Variants in HEMK1 observed in about 807,000 individuals in gnomAD.
HEMK1 encodes the protein HemK methyltransferase 1, mitochondrial release factors N(5)-glutamine.
HEMK1 carries 36 observed loss-of-function variants against 47.9 expected under a neutral mutation model. The observed-to-expected ratio is 0.75, with a 90% CI of 0.58 to 0.99. The LOEUF (loss-of-function observed/expected upper bound fraction) is 0.99. Among genes scored for constraint, HEMK1 ranks in the 50% least tolerant of loss-of-function variants. HEMK1 has a pLI of 0.00. For missense variants in HEMK1, 383 were observed against 434.5 expected (o/e 0.88, Z 1.05); for synonymous variants, 153 against 165.4 (o/e 0.93, Z 0.57).
At chr3:50,570,868 T>A in intron 1 of HEMK1, 63 bp from the exon 2 acceptor site, 2 of 432,046 alleles carry the variant, frequency 4.6e-6, no homozygotes, top group Non-Finnish European at 4.1e-6. Flanking sequence ...TCAGGCAATG[T>A]ATTGGTAGAA....
chr3:50,579,401 C>A (rs1474646865), intron 8 of HEMK1, among the ~76,000 whole-genome samples: 2 of 152,210 alleles, frequency 1.3e-5, no homozygotes, highest in Non-Finnish European at 1.5e-5. Flanking sequence ...CCATCCTGCT[C>A]TTACACAGGG....
chr3:50,579,211 C>G (rs1014096529), intron 8 of HEMK1, among the ~76,000 whole-genome samples: 2 of 152,228 alleles, frequency 1.3e-5, no homozygotes, highest in African/African-American at 4.8e-5. Context: ...CGGGAGGACT[C>G]AGTGACGACT....
intron 4 of HEMK1, among the ~76,000 whole-genome samples, chr3:50,575,485 C>A (rs1701483634): frequency 6.6e-6 from 1 of 152,106 alleles, no homozygotes. Flanking sequence ...GTGGGCCAAG[C>A]CCTGCCAGTG....
rs2031509889 is a variant in HEMK1, at chr3:50,588,222, G to A, written c.*7805G>A. On this transcript the variant is annotated 3_prime_UTR_variant, in exon 11 of 11. Transcript: ENST00000232854. ...CCGGGCATCTGCAGTGTGTAAACTAGTGCCAGGTGCTGCACACACGTGGTC... is the reference window on the plus strand; with the variant it reads ...CCGGGCATCTGCAGTGTGTAAACTAATGCCAGGTGCTGCACACACGTGGTC... 1 of 152,266 alleles carries A rather than the reference G, an allele frequency of 6.6e-6. No individual in the cohort carries two copies. Among genetic ancestry groups the A allele is most frequent in the South Asian group, 2.1e-4 (1 of 4,834 alleles). The allele number at this position is 152,266 out of a possible 1,614,324, so 9.4% of individuals were successfully genotyped here. A position where few individuals can be genotyped will look rare whatever the true frequency, so the allele number is the denominator to read the frequency against.
At chr3:50,579,090 C>T (rs1345369703) in intron 8 of HEMK1, among the ~76,000 whole-genome samples, 164 bp downstream of exon 8, 1 of 152,210 alleles carries the variant, frequency 6.6e-6, no homozygotes, top group Non-Finnish European at 1.5e-5. Context: ...CTAGATTCAG[C>T]TTCTACCTTC....
In HEMK1 at chr3:50,595,440, A is replaced by G. The variant is rs1380965080; in HGVS notation, c.*15023A>G. 6.6e-6 allele frequency: 1 copy of G among 152,246 alleles called. No individual in the cohort carries two copies. Among genetic ancestry groups the G allele is most frequent in the Non-Finnish European group, 1.5e-5 (1 of 68,048 alleles). The allele number at this position is 152,246 out of a possible 1,614,324, so 9.4% of individuals were successfully genotyped here. On this transcript the variant is annotated 3_prime_UTR_variant, in exon 11 of 11. Transcript: ENST00000232854. ...GGTTGCACTACGGTGGAGAAACTGC[A>G]TGCTGAATTTAGGGGACCCACGTCT...
chr3:50,588,405 A>G lies in HEMK1; in HGVS notation c.*7988A>G, dbSNP rs936149212. 2 of 152,234 alleles carry G rather than the reference A, an allele frequency of 1.3e-5. No homozygotes were observed. The highest frequency in any genetic ancestry group is 4.8e-5 in the African/African-American group (2 of 41,454). 9.4% of individuals were successfully genotyped at this position (152,234 alleles called of 1,614,324 possible). A position where few individuals can be genotyped will look rare whatever the true frequency, so the allele number is the denominator to read the frequency against. ...CATCCCAGTCAGGAGAGGCGTGAGC[A>G]GGCTGCCGAGGCCAAATGCAGCCCA... On this transcript the variant is annotated 3_prime_UTR_variant, in exon 11 of 11. Coordinates refer to ENST00000232854, the MANE Select transcript of HEMK1 (RefSeq NM_016173.5).
At chr3:50,577,771 T>C (rs1271581059) in intron 6 of HEMK1, 55 bp from the exon 7 acceptor site, 4 of 1,560,694 alleles carry the variant, frequency 2.6e-6, no homozygotes, top group African/African-American at 1.4e-5. Context: ...CTCATTCTTG[T>C]AGTGAAGGGT....
In HEMK1 at chr3:50,590,407, T is replaced by G. The variant is rs2031657417; in HGVS notation, c.*9990T>G. Reference sequence around the variant, plus strand: ...CCTGTCTCTACTAAAAATACAAAAATTAGCTGGGCATGGTGGCTCATGCCT... The same window carrying G: ...CCTGTCTCTACTAAAAATACAAAAAGTAGCTGGGCATGGTGGCTCATGCCT... On this transcript the variant is annotated 3_prime_UTR_variant, in exon 11 of 11. Transcript: ENST00000232854. 6.6e-6 allele frequency: 1 copy of G among 150,922 alleles called. No homozygotes were observed. 9.3% of individuals were successfully genotyped at this position (150,922 alleles called of 1,614,324 possible).
At position 50,571,709 on chromosome 3, in the gene HEMK1, G is replaced by A; in HGVS notation, c.229-1G>A. 9.9e-6 allele frequency: 16 copies of A among 1,614,160 alleles called. No homozygotes were observed. Among genetic ancestry groups the A allele is most frequent in the Non-Finnish European group, 1.1e-5 (13 of 1,179,986 alleles). ...GCCACTTATATTCTCTGTGGGGACA[G>A]TTTCAGAGCCTGAGGCCGGCACTTT... On this transcript the variant is annotated splice_acceptor_variant, in intron 2 of 10. Transcript: ENST00000232854. LOFTEE classifies it high-confidence loss of function.
chr3:50,584,159 C>A lies in HEMK1; in HGVS notation c.*3742C>A, dbSNP rs1427183155. The A allele has an allele frequency of 6.6e-6, 1 of 152,248 alleles. No individual in the cohort carries two copies. The highest frequency in any genetic ancestry group is 1.9e-4 in the East Asian group (1 of 5,200). The allele number at this position is 152,248 out of a possible 1,614,324, so 9.4% of individuals were successfully genotyped here. On this transcript the variant is annotated 3_prime_UTR_variant, in exon 11 of 11. Transcript: ENST00000232854. Reference sequence around the variant, plus strand: ...GCAACAGCCACACCAGGAGAACAGGCTGTCCTTGGCGGCAGTAGGAGCAGG... The same window carrying A: ...GCAACAGCCACACCAGGAGAACAGGATGTCCTTGGCGGCAGTAGGAGCAGG...
At chr3:50,579,047 T>A in intron 8 of HEMK1, 121 bp downstream of exon 8, 1 of 692,788 alleles carries the variant, frequency 1.4e-6, no homozygotes, top group Non-Finnish European at 2.5e-6. Flanking sequence ...GCAATGGTGT[T>A]AAGTTGACGC....
rs1204686566 is a variant in HEMK1 at position 50,591,352 on chromosome 3, C to T, written c.*10935C>T. 1 of 152,256 alleles carries T rather than the reference C, an allele frequency of 6.6e-6. No homozygotes were observed. Among genetic ancestry groups the T allele is most frequent in the African/African-American group, 2.4e-5 (1 of 41,452 alleles). The allele number at this position is 152,256 out of a possible 1,614,324, so 9.4% of individuals were successfully genotyped here. On this transcript the variant is annotated 3_prime_UTR_variant, in exon 11 of 11. Transcript: ENST00000232854. ...CTCATGGACTTGCACATAGACTCCTCCTGACAGGCCCCTCATGAGTAGCTG... is the reference window on the plus strand; with the variant it reads ...CTCATGGACTTGCACATAGACTCCTTCTGACAGGCCCCTCATGAGTAGCTG...
chr3:50,591,367 A>T lies in HEMK1; in HGVS notation c.*10950A>T, dbSNP rs2031712814. On this transcript the variant is annotated 3_prime_UTR_variant, in exon 11 of 11. Coordinates refer to ENST00000232854, the MANE Select transcript of HEMK1 (RefSeq NM_016173.5). ...ATAGACTCCTCCTGACAGGCCCCTCATGAGTAGCTGGGTCCTTACGATTTT... is the reference window on the plus strand; with the variant it reads ...ATAGACTCCTCCTGACAGGCCCCTCTTGAGTAGCTGGGTCCTTACGATTTT... 1 of 152,238 alleles carries T rather than the reference A, an allele frequency of 6.6e-6. No individual in the cohort carries two copies. Among genetic ancestry groups the T allele is most frequent in the South Asian group, 2.1e-4 (1 of 4,834 alleles). 9.4% of individuals were successfully genotyped at this position (152,238 alleles called of 1,614,324 possible).
chr3:50,570,840 G>A, intron 1 of HEMK1, 91 bp from the exon 2 acceptor site: 1 of 370,686 alleles, frequency 2.7e-6, no homozygotes, highest in Non-Finnish European at 4.9e-6. Flanking sequence ...GGGTGTCAGA[G>A]CAAGAGCACA....
intron 4 of HEMK1, among the ~76,000 whole-genome samples, chr3:50,575,077 G>T (rs1701418794): frequency 6.6e-6 from 1 of 152,138 alleles, no homozygotes; most frequent in Non-Finnish European, 1.5e-5. Flanking sequence ...GGAGACCTGG[G>T]GGTGTGAGAC....
rs1320614431 is a variant in HEMK1, at chr3:50,585,674, T to C, written c.*5257T>C. ...CTGAGAAGCTGGGGGACAGAGAGCA[T>C]GGACACCTGGGTTCAAGGGTCAGCT... On this transcript the variant is annotated 3_prime_UTR_variant, in exon 11 of 11. Coordinates refer to ENST00000232854, the MANE Select transcript of HEMK1 (RefSeq NM_016173.5). 6.6e-6 allele frequency: 1 copy of C among 152,220 alleles called. No individual in the cohort carries two copies. Among genetic ancestry groups the C allele is most frequent in the African/African-American group, 2.4e-5 (1 of 41,444 alleles). The allele number at this position is 152,220 out of a possible 1,614,324, so 9.4% of individuals were successfully genotyped here.
intron 7 of HEMK1, 128 bp downstream of exon 7, chr3:50,578,003 C>T (rs2029996145): frequency 1.2e-6 from 1 of 843,054 alleles, no homozygotes; most frequent in Non-Finnish European, 2.0e-6. Flanking sequence ...AACACACACA[C>T]ATACACGTGT....
rs1204562149 is a variant in HEMK1 at position 50,590,340 on chromosome 3, G to A, written c.*9923G>A. 6.6e-6 allele frequency: 1 copy of A among 151,066 alleles called. No homozygotes were observed. The highest frequency in any genetic ancestry group is 6.6e-5 in the Admixed American group (1 of 15,226). The allele number at this position is 151,066 out of a possible 1,614,324, so 9.4% of individuals were successfully genotyped here. The stretch of plus-strand genomic sequence containing the variant: ...GGAGGCTGAAGCAGGCAGATCACCC[G>A]AGCTCAGGAGTTCAAGACCAGCCTG... On this transcript the variant is annotated 3_prime_UTR_variant, in exon 11 of 11. Coordinates refer to ENST00000232854, the MANE Select transcript of HEMK1 (RefSeq NM_016173.5).
Sources: allele counts gnomAD v4.1 joint callset (sites outside exome capture counted in the v4.1 genomes callset), GRCh38; gene constraint gnomAD v4.1.1; transcripts MANE v1.5; gene names NCBI Gene and HGNC (gene_info 2026-07-23, HGNC 2026-07-21).